The following JAM2 variants were observed in gnomAD, a reference collection of about 807,000 sequenced individuals.
The protein encoded by JAM2 is junctional adhesion molecule B.
A neutral mutation model predicts 42.0 loss-of-function variants in JAM2; 17 were observed. The ratio of observed to expected loss-of-function variants is 0.40; its 90% CI spans 0.28 to 0.61. The LOEUF (loss-of-function observed/expected upper bound fraction) is 0.61, where lower values mean the gene tolerates loss of function less well. Ranked by LOEUF, JAM2 falls within the 20% of genes least tolerant of loss-of-function variation. JAM2 has a pLI of 0.37. For missense variants in JAM2, 319 were observed against 358.3 expected, an observed-to-expected ratio of 0.89 and a Z score of 0.89; for synonymous variants, 118 against 128.6, an observed-to-expected ratio of 0.92 and a Z score of 0.56.
At chr21:25,671,835 T>C (rs1433051021) in intron 1 of JAM2, among the ~76,000 whole-genome samples, 1 of 152,206 alleles carries the variant, frequency 6.6e-6, no homozygotes, top group African/African-American at 2.4e-5. Flanking sequence ...GTTTGAGAAA[T>C]GCTAAGATAA....
chr21:25,697,927 GCA>G (rs35767783), intron 4 of JAM2, among the ~76,000 whole-genome samples: 10,720 of 145,902 alleles, frequency 0.073, 1,278 homozygotes, highest in African/African-American at 0.25. Context: ...AAATCTATCT[GCA>G]CACACACACA....
chr21:25,717,183 G>C lies in JAM2; in HGVS notation c.*2511G>C, dbSNP rs1348000739. The stretch of plus-strand genomic sequence containing the variant: ...AATGTTTTCCCCCACACAAAGGGCA[G>C]AGTATTGAGCACTAATTTCCTATTA... On this transcript the variant is annotated 3_prime_UTR_variant, in exon 10 of 10. Transcript: ENST00000480456. The C allele has an allele frequency of 6.5e-6, 1 of 152,840 alleles. No homozygotes were observed. The highest frequency in any genetic ancestry group is 2.4e-5 in the African/African-American group (1 of 41,476). The allele number at this position is 152,840 out of a possible 1,614,324, so 9.5% of individuals were successfully genotyped here. A position where few individuals can be genotyped will look rare whatever the true frequency, so the allele number is the denominator to read the frequency against.
chr21:25,691,360 CTATT>C (rs963532051), intron 3 of JAM2, among the ~76,000 whole-genome samples: 16 of 152,276 alleles, frequency 1.1e-4, no homozygotes, highest in African/African-American at 3.1e-4. Flanking sequence ...TTATGCAACA[CTATT>C]TATTTGAGCC....
rs562887341 is a variant in JAM2, at chr21:25,687,470, A to C, written c.134-2396A>C. 9.4e-4 allele frequency among the ~76,000 whole-genome samples: 143 copies of C among 152,368 alleles called. 1 individual carries two copies. Among genetic ancestry groups the C allele is most frequent in the Admixed American group, 3.5e-3 (54 of 15,302 alleles). On this transcript the variant is annotated intron_variant, in intron 2 of 9. Transcript: ENST00000480456. ...TGATACAGAAAATTATGCTGGCATA[A>C]GTACTGAATTTTGGCTGAAGAGAGA...
intron 8 of JAM2, chr21:25,710,062 AATG>A (rs1341073389): frequency 6.6e-6 from 1 of 152,262 alleles, no homozygotes; most frequent in East Asian, 1.9e-4. Context: ...GTACAGAGAG[AATG>A]ATGATTACCC....
In JAM2 at chr21:25,702,188, A is replaced by G; in HGVS notation, c.616A>G (p.Lys206Glu). 6.3e-7 allele frequency: 1 copy of G among 1,580,826 alleles called. No individual in the cohort carries two copies. The highest frequency in any genetic ancestry group is 8.7e-7 in the Non-Finnish European group (1 of 1,155,180). Residue 206 changes from lysine to glutamate, a missense_variant, in exon 6 of 10, where the codon AAA becomes GAA. By Grantham distance (56) the Lys-to-Glu change is moderately conservative (BLOSUM62 1). Coordinates refer to ENST00000480456, the MANE Select transcript of JAM2 (RefSeq NM_021219.4). ...TGTLQFNTVSKLDTGEYSCEA... is the reference protein window; with the variant it reads ...TGTLQFNTVSELDTGEYSCEA... ...CAAATAGCAATTTAATACTGTTTCC[A>G]AACTGGACACTGGAGAATATTCCTG... is the stretch of plus-strand genomic sequence containing the variant.
intron 8 of JAM2, among the ~76,000 whole-genome samples, chr21:25,711,745 GT>G (rs2123421028): frequency 6.6e-6 from 1 of 151,360 alleles, no homozygotes; most frequent in East Asian, 1.9e-4. Flanking sequence ...TAATTGGAAG[GT>G]TTTGAGCAGA....
At chr21:25,696,132 T>C (rs570970635) in intron 4 of JAM2, among the ~76,000 whole-genome samples, 1 of 152,264 alleles carries the variant, frequency 6.6e-6, no homozygotes, top group East Asian at 1.9e-4. Flanking sequence ...CCGTCTGCAA[T>C]CCCGGCACCT....
At chr21:25,700,385 G>C (rs2034140523) in intron 5 of JAM2, among the ~76,000 whole-genome samples, 1 of 152,022 alleles carries the variant, frequency 6.6e-6, no homozygotes, top group African/African-American at 2.4e-5. Context: ...TTTTGAGACA[G>C]AGTCTTGCTC....
intron 4 of JAM2, among the ~76,000 whole-genome samples, chr21:25,695,665 A>T (rs1322957265): frequency 3.4e-5 from 5 of 148,382 alleles, no homozygotes; most frequent in African/African-American, 1.3e-4. Flanking sequence ...CACTTCCCAG[A>T]CGGGGCGGGG....
Position 25,706,032 on chromosome 21 carries a change from A to ATTTCCGTTTGTGGCCTTGGTGT in JAM2, c.752_773dup (p.Cys259PhefsTer26). On this transcript the variant is annotated frameshift_variant, in exon 7 of 10. Transcript: ENST00000480456. LOFTEE classifies it high-confidence loss of function. ...AGCCGTAGTAGTTGTGGCCTTAGTG[A>ATTTCCGTTTGTGGCCTTGGTGT]TTTCCGTTTGTGGCCTTGGTGTATG... is the stretch of plus-strand genomic sequence containing the variant. The ATTTCCGTTTGTGGCCTTGGTGT allele has an allele frequency of 6.2e-7, 1 of 1,613,954 alleles. No homozygotes were observed. Among genetic ancestry groups the ATTTCCGTTTGTGGCCTTGGTGT allele is most frequent in the Non-Finnish European group, 8.5e-7 (1 of 1,179,874 alleles).
intron 1 of JAM2, among the ~76,000 whole-genome samples, chr21:25,645,821 G>A (rs1007118446): frequency 1.3e-5 from 2 of 152,180 alleles, no homozygotes; most frequent in African/African-American, 4.8e-5. Flanking sequence ...GCATGTTACT[G>A]TACTGGATAC....
At chr21:25,650,581 G>A (rs1174083950) in intron 1 of JAM2, among the ~76,000 whole-genome samples, 1 of 152,126 alleles carries the variant, frequency 6.6e-6, no homozygotes, top group African/African-American at 2.4e-5. Flanking sequence ...CTTAAAAGAG[G>A]ATATGTCCTG....
intron 2 of JAM2, among the ~76,000 whole-genome samples, chr21:25,687,329 A>T (rs1294689936): frequency 6.6e-6 from 1 of 152,198 alleles, no homozygotes; most frequent in African/African-American, 2.4e-5. Flanking sequence ...ACAGATGTGG[A>T]TATAATGTTC....
chr21:25,658,834 T>C (rs1356754435), intron 1 of JAM2, among the ~76,000 whole-genome samples: 1 of 152,226 alleles, frequency 6.6e-6, no homozygotes, highest in Non-Finnish European at 1.5e-5. Context: ...TTATTCACAG[T>C]GTCATAAATG....
At chr21:25,691,079 G>C (rs974811567) in intron 3 of JAM2, among the ~76,000 whole-genome samples, 1 of 152,084 alleles carries the variant, frequency 6.6e-6, no homozygotes, top group Admixed American at 6.5e-5. Flanking sequence ...GTGTATGCTT[G>C]AATCTTTCCA....
Position 25,689,983 on chromosome 21 carries a change from T to C in JAM2, c.241+10T>C. On this transcript the variant is annotated intron_variant, in intron 3 of 9. Coordinates refer to ENST00000480456, the MANE Select transcript of JAM2 (RefSeq NM_021219.4). ...CAACAGACTCTTCAAGGTAAGCAGC[T>C]GTAGGCTTGAAGAGGTGTGAGCAAG... 2 of 1,554,882 alleles carry C rather than the reference T, an allele frequency of 1.3e-6. No homozygotes were observed. The highest frequency in any genetic ancestry group is 1.8e-6 in the Non-Finnish European group (2 of 1,126,880).
At chr21:25,649,630 T>TTG (rs1326726097) in intron 1 of JAM2, among the ~76,000 whole-genome samples, 1 of 152,128 alleles carries the variant, frequency 6.6e-6, no homozygotes, top group African/African-American at 2.4e-5. Flanking sequence ...GAGCAGGGAA[T>TTG]CTCCAGACTT....
chr21:25,652,038 A>C (rs1486582283), intron 1 of JAM2, among the ~76,000 whole-genome samples: 7 of 152,226 alleles, frequency 4.6e-5, no homozygotes, highest in Non-Finnish European at 1.0e-4. Context: ...TTATTTCAAA[A>C]GATAAAATTC....
Sources: gnomAD v4.1 joint callset for allele counts (sites outside exome capture counted in the v4.1 genomes callset) on GRCh38, gnomAD v4.1.1 for gene constraint, MANE v1.5 for transcripts, NCBI Gene and HGNC (gene_info 2026-07-23, HGNC 2026-07-21) for gene names.